CSNK1A1: variants seen among roughly 807,000 people sequenced by gnomAD.
CSNK1A1 encodes casein kinase 1 alpha 1.
CSNK1A1 carries 7 observed loss-of-function variants against 46.1 expected under a neutral mutation model. The ratio of observed to expected loss-of-function variants is 0.15; its 90% CI spans 0.09 to 0.29. CSNK1A1 has a LOEUF of 0.29. Ranked by LOEUF, CSNK1A1 falls within the 10% of genes least tolerant of loss-of-function variation. The pLI is 1.00. For synonymous variants in CSNK1A1, 137 were observed against 141.5 expected (o/e 0.97, Z 0.23); for missense variants, 96 against 417.1 (o/e 0.23, Z 6.71).
intron 2 of CSNK1A1, among the ~76,000 whole-genome samples, chr5:149,548,720 G>A (rs1762560952): frequency 6.6e-6 from 1 of 151,178 alleles, no homozygotes; most frequent in African/African-American, 2.4e-5. Context: ...GTGGTGGCGG[G>A]CGCCTGTAAT....
chr5:149,509,043 C>T (rs972460271), intron 7 of CSNK1A1, among the ~76,000 whole-genome samples: 30 of 152,110 alleles, frequency 2.0e-4, no homozygotes, highest in African/African-American at 5.8e-4. Context: ...CCTGCCCCAG[C>T]ATCCCCAAGA....
chr5:149,528,684 TCTC>T (rs1376620854), intron 2 of CSNK1A1, among the ~76,000 whole-genome samples: 2 of 152,200 alleles, frequency 1.3e-5, no homozygotes, highest in African/African-American at 4.8e-5. Flanking sequence ...CCCACATTGG[TCTC>T]CTATTTCCTA....
chr5:149,544,737 T>TATATATATATATATATATATATATATATA (rs1554118044), intron 2 of CSNK1A1, among the ~76,000 whole-genome samples: 2 of 80,808 alleles, frequency 2.5e-5, no homozygotes, highest in African/African-American at 6.5e-5. Flanking sequence ...GTAAAGAGCT[T>TATATATATATATATATATATATATATATA]TATATATATA....
chr5:149,525,355 T>C lies in CSNK1A1; in HGVS notation c.231-184A>G, dbSNP rs1761694658. Among the ~76,000 whole-genome samples the C allele has an allele frequency of 6.6e-6, 1 of 151,126 alleles. No homozygotes were observed. ...AAGACAAAACAAGGGTAATGAGACTTTTTTTTTTCCCTGTCATGCAACTCC... is the reference window on the plus strand; with the variant it reads ...AAGACAAAACAAGGGTAATGAGACTCTTTTTTTTCCCTGTCATGCAACTCC... On this transcript the variant is annotated intron_variant, in intron 2 of 9. Coordinates refer to ENST00000377843, the MANE Select transcript of CSNK1A1 (RefSeq NM_001892.6). The surrounding 1 kb of genome is among the most constrained non-coding windows in gnomAD (Gnocchi z 4.2).
intron 9 of CSNK1A1, chr5:149,501,641 A>T: frequency 1.0e-6 from 1 of 985,288 alleles, no homozygotes; most frequent in Non-Finnish European, 1.2e-6. Flanking sequence ...AGGGTAGTAA[A>T]CAGATGGGTT....
In CSNK1A1 at chr5:149,497,484, G is replaced by A. The variant is rs1023680974; in HGVS notation, c.1007-624C>T. On this transcript the variant is annotated intron_variant, in intron 9 of 9. Transcript: ENST00000377843. ...TTTTTTGGCTTTATTTACTTCTCAA[G>A]CCTACACATTCTACAAATACTTCCC... 6 of 985,566 alleles carry A rather than the reference G, an allele frequency of 6.1e-6. No homozygotes were observed. In the African/African-American group the frequency reaches 1.0e-4, roughly 17 times the overall value. 61.1% of individuals were successfully genotyped at this position (985,566 alleles called of 1,614,324 possible). A position where few individuals can be genotyped will look rare whatever the true frequency, so the allele number is the denominator to read the frequency against.
rs1760599249 is a variant in CSNK1A1 at position 149,494,362 on chromosome 5, C to T, written c.*2491G>A. The stretch of plus-strand genomic sequence containing the variant: ...CCTTCATATATATTCTTTTTTATTT[C>T]TTGTTATACCTTCCCAAAACAGAGA... On this transcript the variant is annotated 3_prime_UTR_variant, in exon 10 of 10. Coordinates refer to ENST00000377843, the MANE Select transcript of CSNK1A1 (RefSeq NM_001892.6). 6.6e-6 allele frequency: 1 copy of T among 152,020 alleles called. No individual in the cohort carries two copies. Among genetic ancestry groups the T allele is most frequent in the African/African-American group, 2.4e-5 (1 of 41,384 alleles). The allele number at this position is 152,020 out of a possible 1,614,324, so 9.4% of individuals were successfully genotyped here.
intron 2 of CSNK1A1, chr5:149,529,517 T>C: frequency 3.5e-6 from 1 of 284,446 alleles, no homozygotes; most frequent in South Asian, 3.1e-5. Context: ...TAAATCTGTC[T>C]AAAGAGGTAT....
At chr5:149,507,505 G>T (rs1761073101) in intron 7 of CSNK1A1, among the ~76,000 whole-genome samples, 2 of 151,510 alleles carry the variant, frequency 1.3e-5, no homozygotes, top group Admixed American at 1.3e-4. Flanking sequence ...CTGTCTCCCA[G>T]GCTGGAGTGC....
At chr5:149,503,363 CAG>C (rs1371044835) in intron 9 of CSNK1A1, 1 of 985,330 alleles carries the variant, frequency 1.0e-6, no homozygotes, top group Non-Finnish European at 1.2e-6. Flanking sequence ...AAAAGAAAAA[CAG>C]ATGTTTTCAA....
rs550536844 is a variant in CSNK1A1 at position 149,516,389 on chromosome 5, G to A, written c.457-3180C>T. On this transcript the variant is annotated intron_variant, in intron 4 of 9. Transcript: ENST00000377843. ...AAACCAAAAACCAAAAAAAGTAGGGGGATAATTCCATAATTCCATTCAATA... is the reference window on the plus strand; with the variant it reads ...AAACCAAAAACCAAAAAAAGTAGGGAGATAATTCCATAATTCCATTCAATA... Among the ~76,000 whole-genome samples, 3 of 150,748 alleles carry A rather than the reference G, an allele frequency of 2.0e-5. No individual in the cohort carries two copies. The South Asian group carries it at 6.3e-4, about 31-fold the overall frequency.
At chr5:149,544,272 C>G (rs1305533889) in intron 2 of CSNK1A1, among the ~76,000 whole-genome samples, 1 of 152,164 alleles carries the variant, frequency 6.6e-6, no homozygotes, top group Non-Finnish European at 1.5e-5. Flanking sequence ...CATTAAGGAA[C>G]TGACTGACTG....
intron 9 of CSNK1A1, chr5:149,504,803 C>G: frequency 6.1e-6 from 6 of 985,286 alleles, no homozygotes; most frequent in Non-Finnish European, 7.2e-6. Flanking sequence ...TAAGATCATA[C>G]GTAAACTGCA....
rs995501844 is a variant in CSNK1A1 at position 149,545,499 on chromosome 5, G to A, written c.230+4576C>T. 1.1e-5 allele frequency: 7 copies of A among 622,426 alleles called. No homozygotes were observed. In the African/African-American group the frequency reaches 1.3e-4, roughly 11 times the overall value. 38.6% of individuals were successfully genotyped at this position (622,426 alleles called of 1,614,324 possible). On this transcript the variant is annotated intron_variant, in intron 2 of 9. Coordinates refer to ENST00000377843, the MANE Select transcript of CSNK1A1 (RefSeq NM_001892.6). ...CCTTGGCCTTTGGCCCACACAGTCT[G>A]AGCCCCTTGGCAATGCGGACACAAG...
At chr5:149,545,563 C>T in intron 2 of CSNK1A1, 4 of 704,468 alleles carry the variant, frequency 5.7e-6, no homozygotes, top group Non-Finnish European at 1.0e-5. Context: ...GTAGGCAAGT[C>T]AATCGAGTTC....
intron 2 of CSNK1A1, among the ~76,000 whole-genome samples, chr5:149,542,659 TATATATATATATGTATATATATATATATA>T (rs1561772751): frequency 1.1e-3 from 20 of 18,534 alleles, no homozygotes; most frequent in Non-Finnish European, 1.4e-3. Context: ...TATATATATA[TATATATATATATGTATATATATATATATA>T]TATATTTTTT....
At chr5:149,501,031 C>G (rs1476887022) in intron 9 of CSNK1A1, 1 of 985,230 alleles carries the variant, frequency 1.0e-6, no homozygotes. Flanking sequence ...ATAATTGATT[C>G]TTTCCCCAGC....
intron 7 of CSNK1A1, 65 bp from the exon 8 acceptor site, chr5:149,507,198 T>G (rs1176394243): frequency 1.6e-6 from 2 of 1,250,990 alleles, no homozygotes; most frequent in Non-Finnish European, 2.3e-6. Context: ...ATAAATGCAT[T>G]TAAGTATAAG....
In CSNK1A1 at chr5:149,550,616, C is replaced by T. The variant is rs1361012913; in HGVS notation, c.123+226G>A. ...GCTCGACTAAGGGACATTTATGGGA[C>T]GTGTTTAACAAGGTGGGAAACTAGT... On this transcript the variant is annotated intron_variant, in intron 1 of 9. Coordinates refer to ENST00000377843, the MANE Select transcript of CSNK1A1 (RefSeq NM_001892.6). This position sits in a 1 kb window ranked among gnomAD's most constrained non-coding sequence, Gnocchi z 4.3. Among the ~76,000 whole-genome samples, 4 of 151,024 alleles carry T rather than the reference C, an allele frequency of 2.6e-5. No homozygotes were observed. Among genetic ancestry groups the T allele is most frequent in the African/African-American group, 9.7e-5 (4 of 41,036 alleles).
Sources: allele counts gnomAD v4.1 joint callset (sites outside exome capture counted in the v4.1 genomes callset), GRCh38; gene constraint gnomAD v4.1.1; non-coding constraint Gnocchi (gnomAD v3.1); transcripts MANE v1.5; gene names NCBI Gene and HGNC (gene_info 2026-07-23, HGNC 2026-07-21).